Variants in LIMD1 observed in about 807,000 individuals in gnomAD.
LIMD1 encodes LIM domain-containing protein 1.
In LIMD1, 23 loss-of-function variants were observed where a neutral mutation model predicts 58.4. That is an observed-to-expected ratio of 0.39 (90% CI 0.28 to 0.56). The LOEUF (loss-of-function observed/expected upper bound fraction) is 0.56, where lower values mean the gene tolerates loss of function less well. Among genes scored for constraint, LIMD1 ranks in the 20% least tolerant of loss-of-function variants. The pLI is 0.57. For synonymous variants in LIMD1, 334 were observed against 345.5 expected (o/e 0.97, Z 0.37); for missense variants, 838 against 855.5 (o/e 0.98, Z 0.25).
intron 2 of LIMD1, among the ~76,000 whole-genome samples, chr3:45,648,556 T>C (rs528487559): frequency 6.6e-6 from 1 of 152,218 alleles, no homozygotes; most frequent in Non-Finnish European, 1.5e-5. Context: ...CCTAGGCAGG[T>C]GTTTATGTGA....
At chr3:45,653,495 C>T (rs1701994487) in intron 2 of LIMD1, among the ~76,000 whole-genome samples, 1 of 152,146 alleles carries the variant, frequency 6.6e-6, no homozygotes, top group South Asian at 2.1e-4. Flanking sequence ...TCCACTTTGC[C>T]CCTTTCTGCT....
At chr3:45,643,675 T>TAA (rs1453867281) in intron 2 of LIMD1, among the ~76,000 whole-genome samples, 1 of 152,126 alleles carries the variant, frequency 6.6e-6, no homozygotes, top group Non-Finnish European at 1.5e-5. Flanking sequence ...ATGGACTAGG[T>TAA]AAATATACTC....
chr3:45,676,771 C>A, intron 7 of LIMD1, 151 bp from the exon 8 acceptor site: 1 of 753,758 alleles, frequency 1.3e-6, no homozygotes, highest in African/African-American at 1.7e-5. Flanking sequence ...GGACAGGCCT[C>A]CACGGGGCAG....
At chr3:45,623,562 T>A (rs532058601) in intron 1 of LIMD1, among the ~76,000 whole-genome samples, 56 of 152,302 alleles carry the variant, frequency 3.7e-4, no homozygotes, top group Middle Eastern at 3.4e-3. Context: ...AAGGCCATCG[T>A]TGGTTTTGAG....
intron 1 of LIMD1, among the ~76,000 whole-genome samples, chr3:45,598,506 A>C (rs1306928298): frequency 6.6e-6 from 1 of 152,180 alleles, no homozygotes; most frequent in Non-Finnish European, 1.5e-5. Flanking sequence ...CATATATTAA[A>C]ATTTATTGAG....
chr3:45,662,938 C>T (rs1394714132), intron 2 of LIMD1, among the ~76,000 whole-genome samples: 3 of 151,504 alleles, frequency 2.0e-5, no homozygotes, highest in Admixed American at 6.6e-5. Flanking sequence ...GAACCAAGAT[C>T]GTGCCACTGC....
intron 3 of LIMD1, 94 bp downstream of exon 3, chr3:45,665,811 C>G: frequency 9.4e-7 from 1 of 1,066,070 alleles, no homozygotes; most frequent in Non-Finnish European, 1.4e-6. Flanking sequence ...AGGGAAGCTG[C>G]ACTGCTGGAG....
chr3:45,646,049 AT>A (rs1300165512), intron 2 of LIMD1, among the ~76,000 whole-genome samples: 3 of 147,164 alleles, frequency 2.0e-5, no homozygotes, highest in Middle Eastern at 3.3e-3. Flanking sequence ...AAAAAAAAAG[AT>A]TTAGGAACCA....
Position 45,679,813 on chromosome 3 carries a change from ATCTC to A in LIMD1, c.*2761_*2764del, listed in dbSNP as rs1293402519. On this transcript the variant is annotated 3_prime_UTR_variant, in exon 8 of 8. Transcript: ENST00000273317. ...TCTGCAATACAAGGATCCATTCGTA[ATCTC>A]TCTCTCACTGATGTTATTCCCCCAT... 1 of 152,136 alleles carries A rather than the reference ATCTC, an allele frequency of 6.6e-6. No individual in the cohort carries two copies. Among genetic ancestry groups the A allele is most frequent in the African/African-American group, 2.4e-5 (1 of 41,470 alleles). 9.4% of individuals were successfully genotyped at this position (152,136 alleles called of 1,614,324 possible). A position where few individuals can be genotyped will look rare whatever the true frequency, so the allele number is the denominator to read the frequency against.
intron 1 of LIMD1, chr3:45,632,635 T>C (rs1701746940): frequency 1.3e-6 from 1 of 760,064 alleles, no homozygotes; most frequent in Non-Finnish European, 1.6e-6. Flanking sequence ...CTTGAGCACT[T>C]GCGGAGGCCA....
At chr3:45,632,632 A>T in intron 1 of LIMD1, 1 of 805,134 alleles carries the variant, frequency 1.2e-6, no homozygotes, top group African/African-American at 1.9e-5. Flanking sequence ...TTCCTTGAGC[A>T]CTTGCGGAGG....
At chr3:45,610,795 A>T (rs1197789791) in intron 1 of LIMD1, among the ~76,000 whole-genome samples, 1 of 152,186 alleles carries the variant, frequency 6.6e-6, no homozygotes. Flanking sequence ...TGCAACTGTG[A>T]AGTACTTCAA....
chr3:45,667,712 G>C (rs1269379405), intron 3 of LIMD1, among the ~76,000 whole-genome samples: 2 of 151,922 alleles, frequency 1.3e-5, no homozygotes, highest in African/African-American at 4.8e-5. Flanking sequence ...AGTTGAATTT[G>C]ATTTCTGTCC....
At chr3:45,611,353 G>A (rs190098610) in intron 1 of LIMD1, among the ~76,000 whole-genome samples, 30 of 152,334 alleles carry the variant, frequency 2.0e-4, no homozygotes, top group Middle Eastern at 6.8e-3. Flanking sequence ...AAGCAGGGGG[G>A]CTCTGGGGTC....
chr3:45,676,264 TTA>T (rs1177206364), intron 7 of LIMD1, among the ~76,000 whole-genome samples: 1 of 152,072 alleles, frequency 6.6e-6, no homozygotes, highest in African/African-American at 2.4e-5. Flanking sequence ...AATCCAAATG[TTA>T]TCTTTTGAAC....
chr3:45,666,502 C>T (rs75545008), intron 3 of LIMD1, among the ~76,000 whole-genome samples: 4 of 152,134 alleles, frequency 2.6e-5, no homozygotes, highest in Admixed American at 6.5e-5. Flanking sequence ...CTGCCCACAC[C>T]TATGCAACCT....
Position 45,594,939 on chromosome 3 carries a change from G to C in LIMD1, c.60G>C (p.Met20Ile). Residue 20 changes from methionine (M) to isoleucine (I), a missense_variant, in exon 1 of 8, where the codon ATG (methionine) becomes ATC (isoleucine). Coordinates refer to ENST00000273317, the MANE Select transcript of LIMD1 (RefSeq NM_014240.3). ...EASKFIEDLN[M>I]YEASKDGLFR... ...GTAAATTCATCGAGGACCTGAACAT[G>C]TATGAGGCCTCTAAGGATGGGCTCT... 1.2e-6 allele frequency: 2 copies of C among 1,613,670 alleles called. No individual in the cohort carries two copies. The highest frequency in any genetic ancestry group is 1.7e-6 in the Non-Finnish European group (2 of 1,180,030).
intron 1 of LIMD1, among the ~76,000 whole-genome samples, chr3:45,629,239 C>CT (rs1490043541): frequency 6.6e-6 from 1 of 151,778 alleles, no homozygotes; most frequent in Non-Finnish European, 1.5e-5. Flanking sequence ...TGGTGAAACT[C>CT]TTGTCTCTAC....
rs1697747235 is a variant in LIMD1 at position 45,681,702 on chromosome 3, T to A, written c.*4643T>A. ...AGACACTATCTCTGTCATCCAAGAC[T>A]GTTCACTAGATAAACATCCTTGAAA... is the stretch of plus-strand genomic sequence containing the variant. On this transcript the variant is annotated 3_prime_UTR_variant, in exon 8 of 8. Coordinates refer to ENST00000273317, the MANE Select transcript of LIMD1 (RefSeq NM_014240.3). 6.6e-6 allele frequency: 1 copy of A among 152,226 alleles called. No individual in the cohort carries two copies. The highest frequency in any genetic ancestry group is 1.5e-5 in the Non-Finnish European group (1 of 68,038). 9.4% of individuals were successfully genotyped at this position (152,226 alleles called of 1,614,324 possible).
Sources: gnomAD v4.1 joint callset for allele counts (sites outside exome capture counted in the v4.1 genomes callset) on GRCh38, gnomAD v4.1.1 for gene constraint, MANE v1.5 for transcripts, NCBI Gene and HGNC (gene_info 2026-07-23, HGNC 2026-07-21) for gene names.